COG5: variants seen among roughly 807,000 people sequenced by gnomAD.
The protein encoded by COG5 is conserved oligomeric Golgi complex subunit 5.
In COG5, 86 loss-of-function variants were observed where a neutral mutation model predicts 110.4. The observed-to-expected ratio is 0.78, with a 90% CI of 0.65 to 0.93. The LOEUF is 0.93. COG5 is among the 40% of genes least tolerant of loss of function. The pLI, the probability that COG5 is intolerant of heterozygous loss-of-function variation, is 0.00. For missense variants in COG5, 1,077 were observed against 987.0 expected (o/e 1.09, Z -1.22); for synonymous variants, 360 against 334.6 (o/e 1.08, Z -0.83).
At chr7:107,562,260 G>C (rs978085876) in intron 1 of COG5, among the ~76,000 whole-genome samples, 3 of 152,136 alleles carry the variant, frequency 2.0e-5, no homozygotes, top group Admixed American at 1.3e-4. Context: ...AAATACAGAA[G>C]GCAGAACTGA....
At chr7:107,203,736 G>A (rs922728833) in intron 21 of COG5, 106 bp from the exon 22 acceptor site, 20 of 749,322 alleles carry the variant, frequency 2.7e-5, no homozygotes, top group Non-Finnish European at 3.7e-5. Flanking sequence ...TTCTGGAACT[G>A]TTAATGCTCG....
At chr7:107,507,749 G>A (rs939990601) in intron 6 of COG5, among the ~76,000 whole-genome samples, 7 of 151,990 alleles carry the variant, frequency 4.6e-5, no homozygotes, top group African/African-American at 1.5e-4. Context: ...AGTGAGAAAC[G>A]TTTGCCTATA....
intron 7 of COG5, among the ~76,000 whole-genome samples, chr7:107,402,657 T>A (rs1181767940): frequency 6.6e-6 from 1 of 152,192 alleles, no homozygotes; most frequent in Non-Finnish European, 1.5e-5. Flanking sequence ...GTGACTTCTG[T>A]CAGTGAAAGA....
intron 7 of COG5, among the ~76,000 whole-genome samples, chr7:107,385,952 T>G (rs1325251007): frequency 6.6e-6 from 1 of 151,534 alleles, no homozygotes; most frequent in Non-Finnish European, 1.5e-5. Context: ...TGGAGAAATA[T>G]CTATTTAAGT....
intron 6 of COG5, among the ~76,000 whole-genome samples, chr7:107,430,226 G>A (rs1793924875): frequency 6.6e-6 from 1 of 152,132 alleles, no homozygotes; most frequent in Non-Finnish European, 1.5e-5. Flanking sequence ...TATGGTTTTA[G>A]ATCTTTAGGT....
intron 14 of COG5, 113 bp downstream of exon 14, chr7:107,281,186 GT>G: frequency 1.3e-6 from 1 of 794,704 alleles, no homozygotes; most frequent in South Asian, 1.7e-5. Flanking sequence ...TTTCACTACA[GT>G]AAAAATGGAA....
intron 6 of COG5, among the ~76,000 whole-genome samples, chr7:107,423,619 T>G (rs1187800265): frequency 2.0e-5 from 3 of 148,518 alleles, no homozygotes; most frequent in Non-Finnish European, 3.0e-5. Flanking sequence ...TTCAAAACAC[T>G]AGCAAATGTG....
At chr7:107,495,514 T>C (rs1370855321) in intron 6 of COG5, among the ~76,000 whole-genome samples, 1 of 152,074 alleles carries the variant, frequency 6.6e-6, no homozygotes, top group Admixed American at 6.6e-5. Context: ...CTATCCATAA[T>C]GTCTAGTTTT....
intron 6 of COG5, among the ~76,000 whole-genome samples, chr7:107,518,747 T>G (rs989169716): frequency 6.6e-5 from 10 of 152,148 alleles, no homozygotes; most frequent in Non-Finnish European, 1.2e-4. Flanking sequence ...ATTAGACAGA[T>G]CAACGGGACA....
chr7:107,230,934 G>T (rs1271393278), intron 18 of COG5, among the ~76,000 whole-genome samples: 2 of 151,932 alleles, frequency 1.3e-5, no homozygotes, highest in Non-Finnish European at 2.9e-5. Flanking sequence ...AACATTTTTT[G>T]TTATATAAAA....
intron 6 of COG5, among the ~76,000 whole-genome samples, chr7:107,423,421 C>G (rs534870964): frequency 1.4e-4 from 22 of 152,152 alleles, no homozygotes; most frequent in Non-Finnish European, 2.6e-4. Flanking sequence ...CTGAGTTGAT[C>G]TAGAACATTA....
intron 6 of COG5, among the ~76,000 whole-genome samples, chr7:107,432,259 A>G (rs1449519873): frequency 6.6e-6 from 1 of 152,242 alleles, no homozygotes; most frequent in Non-Finnish European, 1.5e-5. Context: ...TGAAAAGACC[A>G]TAATGTTCTA....
chr7:107,236,209 CACCTTA>C (rs1801176687), intron 18 of COG5, among the ~76,000 whole-genome samples: 1 of 152,070 alleles, frequency 6.6e-6, no homozygotes, highest in South Asian at 2.1e-4. Flanking sequence ...TGAGCTATTT[CACCTTA>C]ACCTTGAAAT....
intron 6 of COG5, among the ~76,000 whole-genome samples, chr7:107,459,240 G>A (rs1485510678): frequency 6.6e-6 from 1 of 152,038 alleles, no homozygotes; most frequent in Non-Finnish European, 1.5e-5. Flanking sequence ...AGTTAAAAGT[G>A]AAGGTTAAAA....
intron 10 of COG5, among the ~76,000 whole-genome samples, chr7:107,330,909 G>T (rs1020361423): frequency 6.7e-6 from 1 of 148,254 alleles, no homozygotes; most frequent in Non-Finnish European, 1.5e-5. Flanking sequence ...TGTAACCTCC[G>T]CCTTCCGGGT....
Position 107,281,417 on chromosome 7 carries a change from A to G in COG5, c.1476-18T>C. On this transcript the variant is annotated intron_variant, in intron 13 of 21. Coordinates refer to ENST00000297135, the MANE Select transcript of COG5 (RefSeq NM_006348.5). Reference sequence around the variant, plus strand: ...TTAGTTCACTGGAGAAAATGAAAACAGTTTTTAAATATTAGCAACATCATT... The same window carrying G: ...TTAGTTCACTGGAGAAAATGAAAACGGTTTTTAAATATTAGCAACATCATT... 6.4e-7 allele frequency: 1 copy of G among 1,566,362 alleles called. No homozygotes were observed. Among genetic ancestry groups the G allele is most frequent in the South Asian group, 1.1e-5 (1 of 90,088 alleles).
chr7:107,349,494 G>A (rs1811936946), intron 10 of COG5, among the ~76,000 whole-genome samples: 1 of 151,836 alleles, frequency 6.6e-6, no homozygotes, highest in African/African-American at 2.4e-5. Context: ...CGCTTCCCAG[G>A]TTCAAGTGAT....
intron 6 of COG5, among the ~76,000 whole-genome samples, chr7:107,464,677 G>T (rs1341008554): frequency 6.6e-6 from 1 of 152,096 alleles, no homozygotes; most frequent in Non-Finnish European, 1.5e-5. Context: ...TGTGAAGCTA[G>T]CCTGTTACTG....
chr7:107,248,321 AG>A, intron 17 of COG5, 74 bp downstream of exon 17: 1 of 947,128 alleles, frequency 1.1e-6, no homozygotes. Context: ...GGGGCAGCTT[AG>A]GGAGTAAGCA....
Sources: gnomAD v4.1 joint callset for allele counts (sites outside exome capture counted in the v4.1 genomes callset) on GRCh38, gnomAD v4.1.1 for gene constraint, MANE v1.5 for transcripts, NCBI Gene and HGNC (gene_info 2026-07-23, HGNC 2026-07-21) for gene names.